Variants in SHROOM3 observed in about 807,000 individuals in gnomAD.
The protein encoded by SHROOM3 is protein Shroom3.
Under a neutral mutation model 138.6 loss-of-function variants are expected in SHROOM3, and 47 were observed. The ratio of observed to expected loss-of-function variants is 0.34; its 90% CI spans 0.27 to 0.43. The LOEUF (loss-of-function observed/expected upper bound fraction) is 0.43, where lower values mean the gene tolerates loss of function less well. Ranked by LOEUF, SHROOM3 falls within the 20% of genes least tolerant of loss-of-function variation. SHROOM3 has a pLI of 1.00. For synonymous variants in SHROOM3, 1,062 were observed against 1,063.3 expected, an observed-to-expected ratio of 1.00 and a Z score of 0.02; for missense variants, 2,491 against 2,596.5, an observed-to-expected ratio of 0.96 and a Z score of 0.88.
intron 1 of SHROOM3, among the ~76,000 whole-genome samples, chr4:76,536,136 G>A (rs142227243): frequency 5.1e-4 from 78 of 152,320 alleles, no homozygotes; most frequent in African/African-American, 1.8e-3. Flanking sequence ...ATTGAATAAA[G>A]CCATTGACAA....
At chr4:76,495,967 G>A (rs1027386734) in intron 1 of SHROOM3, among the ~76,000 whole-genome samples, 1 of 152,180 alleles carries the variant, frequency 6.6e-6, no homozygotes, top group Non-Finnish European at 1.5e-5. Context: ...AAGATAGGAA[G>A]GAATGACTAG....
chr4:76,687,037 T>C (rs1259063926), intron 2 of SHROOM3, among the ~76,000 whole-genome samples: 1 of 152,186 alleles, frequency 6.6e-6, no homozygotes, highest in Non-Finnish European at 1.5e-5. Context: ...GCACCAGAGG[T>C]GGCTTTGGCG....
At chr4:76,476,401 C>T (rs774064564) in intron 1 of SHROOM3, among the ~76,000 whole-genome samples, 29 of 152,188 alleles carry the variant, frequency 1.9e-4, no homozygotes, top group Admixed American at 6.5e-4. Context: ...TGTACTCTTC[C>T]AAATGCTCAT....
chr4:76,602,143 C>T (rs1734520434), intron 2 of SHROOM3, among the ~76,000 whole-genome samples: 2 of 152,186 alleles, frequency 1.3e-5, no homozygotes, highest in South Asian at 4.1e-4. Flanking sequence ...AATTACAGAA[C>T]GTTCCTTTCA....
At position 76,741,681 on chromosome 4, in the gene SHROOM3, C is replaced by G; in HGVS notation, c.3508C>G (p.Arg1170Gly). ...VAETQQAPRD[R>G]SSSFAGGRRL... ...AGAAACCCAGCAGGCTCCCCGAGAT[C>G]GCAGCAGCTCCTTCGCCGGTGGCCG... is the stretch of plus-strand genomic sequence containing the variant. The change falls in exon 5 of 11, where the codon CGC becomes GGC. Residue 1170 changes from arginine (R) to glycine (G), a missense_variant. By Grantham distance (125) the Arg-to-Gly change is moderately radical. Coordinates refer to ENST00000296043, the MANE Select transcript of SHROOM3 (RefSeq NM_020859.4). This position sits in a 1 kb window ranked among gnomAD's most constrained non-coding sequence, Gnocchi z 6.2. 1 of 1,552,058 alleles carries G rather than the reference C, an allele frequency of 6.4e-7. No individual in the cohort carries two copies. The highest frequency in any genetic ancestry group is 1.2e-5 in the South Asian group (1 of 84,476).
intron 2 of SHROOM3, among the ~76,000 whole-genome samples, chr4:76,567,378 C>T (rs573298296): frequency 2.0e-5 from 3 of 152,106 alleles, no homozygotes; most frequent in Non-Finnish European, 4.4e-5. Context: ...CAGCCGGGTG[C>T]GGTGGCTCAT....
At position 76,444,627 on chromosome 4, in the gene SHROOM3, G is replaced by A. The variant is rs571660716; in HGVS notation, c.168+8407G>A. ...TTCTCCTGCCTTAGCCTCCCAAGTA[G>A]CTGGGACTACAGGCATGGGCCCCAT... On this transcript the variant is annotated intron_variant, in intron 1 of 10. Transcript: ENST00000296043. Among the ~76,000 whole-genome samples, 166 of 150,964 alleles carry A rather than the reference G, an allele frequency of 1.1e-3. 1 individual carries two copies. Among genetic ancestry groups the A allele is most frequent in the Non-Finnish European group, 1.9e-3 (126 of 67,826 alleles).
intron 1 of SHROOM3, among the ~76,000 whole-genome samples, chr4:76,508,486 T>A (rs1437775814): frequency 6.6e-6 from 1 of 152,232 alleles, no homozygotes; most frequent in African/African-American, 2.4e-5. Flanking sequence ...TTTGAAAGTA[T>A]GTCTTCCAAC....
At chr4:76,703,804 A>G (rs1719970112) in intron 2 of SHROOM3, among the ~76,000 whole-genome samples, 8 of 152,212 alleles carry the variant, frequency 5.3e-5, no homozygotes. Context: ...ACATAAATCA[A>G]AAGGAATTTC....
chr4:76,475,415 T>C (rs1437276689), intron 1 of SHROOM3, among the ~76,000 whole-genome samples: 1 of 152,176 alleles, frequency 6.6e-6, no homozygotes, highest in Non-Finnish European at 1.5e-5. Flanking sequence ...GCTAACAAAT[T>C]AACCTGCCAT....
intron 2 of SHROOM3, among the ~76,000 whole-genome samples, chr4:76,624,288 C>T (rs1008270253): frequency 1.3e-5 from 2 of 152,122 alleles, no homozygotes; most frequent in African/African-American, 4.8e-5. Context: ...CTGTCTTGTG[C>T]TTGCCAATAG....
intron 2 of SHROOM3, among the ~76,000 whole-genome samples, chr4:76,708,745 C>T (rs1483574154): frequency 6.6e-6 from 1 of 152,162 alleles, no homozygotes; most frequent in Non-Finnish European, 1.5e-5. Flanking sequence ...AGAGCCAGGA[C>T]TCAGACTCCA....
intron 1 of SHROOM3, among the ~76,000 whole-genome samples, chr4:76,488,479 T>C (rs1731784062): frequency 1.3e-5 from 2 of 152,348 alleles, no homozygotes; most frequent in African/African-American, 2.4e-5. Flanking sequence ...CATTGTTTCA[T>C]TGGAGAGGAA....
At chr4:76,631,746 A>G (rs1735330690) in intron 2 of SHROOM3, among the ~76,000 whole-genome samples, 2 of 152,274 alleles carry the variant, frequency 1.3e-5, no homozygotes, top group African/African-American at 4.8e-5. Flanking sequence ...GAGCATTTTA[A>G]GCAAAGGAAA....
At chr4:76,749,605 G>A (rs544957281) in intron 6 of SHROOM3, among the ~76,000 whole-genome samples, 4 of 152,292 alleles carry the variant, frequency 2.6e-5, no homozygotes, top group African/African-American at 4.8e-5. Flanking sequence ...AGGGAAGAAC[G>A]GGCATTTCAT....
chr4:76,662,815 G>C (rs543922735), intron 2 of SHROOM3, among the ~76,000 whole-genome samples: 45 of 152,248 alleles, frequency 3.0e-4, no homozygotes, highest in African/African-American at 9.4e-4. Context: ...CTAGGAGTTC[G>C]AGGCTGCAGT....
chr4:76,524,548 CCTG>C (rs901795623), intron 1 of SHROOM3, among the ~76,000 whole-genome samples: 5 of 152,176 alleles, frequency 3.3e-5, no homozygotes, highest in Non-Finnish European at 7.4e-5. Flanking sequence ...GGATCAGTAT[CCTG>C]CCTTAATTAA....
chr4:76,662,693 T>G (rs374774327), intron 2 of SHROOM3, among the ~76,000 whole-genome samples: 4 of 152,236 alleles, frequency 2.6e-5, no homozygotes, highest in African/African-American at 9.6e-5. Flanking sequence ...TCCAGTTGCT[T>G]AAGAATCCAC....
rs1040495850 is a variant in SHROOM3 at position 76,500,328 on chromosome 4, A to C, written c.169-55281A>C. ...GCTGTATCCCTTTGTTAGAGGACAC[A>C]GCTCCTGTTGGCCAGCCGCTCTTGC... On this transcript the variant is annotated intron_variant, in intron 1 of 10. Coordinates refer to ENST00000296043, the MANE Select transcript of SHROOM3 (RefSeq NM_020859.4). 4.6e-5 allele frequency among the ~76,000 whole-genome samples: 7 copies of C among 152,156 alleles called. No individual in the cohort carries two copies. The East Asian group carries it at 1.2e-3, about 25-fold the overall frequency.
Sources: allele counts gnomAD v4.1 joint callset (sites outside exome capture counted in the v4.1 genomes callset), GRCh38; gene constraint gnomAD v4.1.1; non-coding constraint Gnocchi (gnomAD v3.1); transcripts MANE v1.5; gene names NCBI Gene and HGNC (gene_info 2026-07-23, HGNC 2026-07-21).